Variants in ZNF766 observed in about 807,000 individuals in gnomAD.
The protein encoded by ZNF766 is zinc finger protein 766.
ZNF766 carries 13 observed loss-of-function variants against 13.2 expected under a neutral mutation model. The ratio of observed to expected loss-of-function variants is 0.98; its 90% confidence interval spans 0.64 to 1.56. ZNF766 has a LOEUF of 1.56. Ranked by LOEUF, ZNF766 falls within the 40% of genes most tolerant of loss-of-function variation. ZNF766 has a pLI of 0.00. For synonymous variants in ZNF766, 178 were observed against 187.6 expected (o/e 0.95, Z 0.42); for missense variants, 521 against 552.2 (o/e 0.94, Z 0.57).
Position 52,290,590 on chromosome 19 carries a change from GGA to G in ZNF766, c.805_806del (p.Pro270LeufsTer4). On this transcript the variant is annotated frameshift_variant, in exon 4 of 4. Coordinates refer to ENST00000439461, the MANE Select transcript of ZNF766 (RefSeq NM_001010851.3). LOFTEE classifies it low-confidence loss of function (END_TRUNC). ...TGCACGACACGAGAAAGTGCATACT[GGA>G]GAGAGTCCTTACAAATGTAATGAGT... ...YLARHEKVHTGESPYKCNECG... is the reference protein window; with the variant it reads ...YLARHEKVHTXESPYKCNECG... 6.2e-7 allele frequency: 1 copy of G among 1,614,078 alleles called. No homozygotes were observed. Among genetic ancestry groups the G allele is most frequent in the Non-Finnish European group, 8.5e-7 (1 of 1,179,980 alleles).
intron 1 of ZNF766, chr19:52,277,371 A>G: frequency 9.1e-7 from 1 of 1,098,752 alleles, no homozygotes; most frequent in African/African-American, 1.6e-5. Flanking sequence ...AGGCAGGAGA[A>G]TGGTGTGAAC....
rs528937586 is a variant in ZNF766 at position 52,295,729 on chromosome 19, TA to T, written c.*4532del. The T allele has an allele frequency of 1.8e-4, 28 of 152,312 alleles. No individual in the cohort carries two copies. The highest frequency in any genetic ancestry group is 4.6e-4 in the Admixed American group (7 of 15,286). The allele number at this position is 152,312 out of a possible 1,614,324, so 9.4% of individuals were successfully genotyped here. ...TATTTTATTTATTTATTTTATTATTTATTTTTTTGAGATGGAGTTTCACTCT... is the reference window on the plus strand; with the variant it reads ...TATTTTATTTATTTATTTTATTATTTTTTTTTTGAGATGGAGTTTCACTCT... On this transcript the variant is annotated 3_prime_UTR_variant, in exon 4 of 4. Transcript: ENST00000439461.
chr19:52,283,696 C>T (rs907020452), intron 3 of ZNF766, among the ~76,000 whole-genome samples: 1 of 152,124 alleles, frequency 6.6e-6, no homozygotes, highest in Admixed American at 6.6e-5. Flanking sequence ...TCTTTCTTTA[C>T]CCCCACCTGT....
chr19:52,286,624 A>G (rs1465657053), intron 3 of ZNF766, among the ~76,000 whole-genome samples: 1 of 152,036 alleles, frequency 6.6e-6, no homozygotes, highest in Non-Finnish European at 1.5e-5. Context: ...TTTCTGCATC[A>G]GCTGAGATTA....
chr19:52,294,785 CATG>C lies in ZNF766; in HGVS notation c.*3590_*3592del, dbSNP rs1437628731. On this transcript the variant is annotated 3_prime_UTR_variant, in exon 4 of 4. Transcript: ENST00000439461. ...GGTTAGGAAAGACTCTGATTTTCTT[CATG>C]ATAATATCTTACGTTCCTTTTATAG... The C allele has an allele frequency of 6.8e-6, 1 of 146,506 alleles. No individual in the cohort carries two copies. The allele number at this position is 146,506 out of a possible 1,614,324, so 9.1% of individuals were successfully genotyped here. A position where few individuals can be genotyped will look rare whatever the true frequency, so the allele number is the denominator to read the frequency against.
chr19:52,286,154 AAAAAG>A (rs1457539980), intron 3 of ZNF766, among the ~76,000 whole-genome samples: 1 of 142,938 alleles, frequency 7.0e-6, no homozygotes, highest in Non-Finnish European at 1.5e-5. Flanking sequence ...TTAAAAAAAA[AAAAAG>A]AAAGAAAGAA....
At position 52,291,177 on chromosome 19, in the gene ZNF766, TGA is replaced by T. The variant is rs780160845; in HGVS notation, c.1392_1393del (p.Arg464SerfsTer54). 1.3e-6 allele frequency: 2 copies of T among 1,576,580 alleles called. No homozygotes were observed. The highest frequency in any genetic ancestry group is 1.7e-6 in the Non-Finnish European group (2 of 1,161,926). Reference sequence around the variant, plus strand: ...TTGTACAGCATCAGAGAAGTGTTCATGAGAGAGTCCTTACAAACTGAGTTTGG... The same window carrying T: ...TTGTACAGCATCAGAGAAGTGTTCATGAGAGTCCTTACAAACTGAGTTTGG... ...WFVQHQRSVH[E>X]RVLTN On this transcript the variant is annotated frameshift_variant, in exon 4 of 4. Coordinates refer to ENST00000439461, the MANE Select transcript of ZNF766 (RefSeq NM_001010851.3). LOFTEE classifies it high-confidence loss of function.
chr19:52,274,132 G>C (rs1981090653), intron 1 of ZNF766, among the ~76,000 whole-genome samples: 1 of 152,074 alleles, frequency 6.6e-6, no homozygotes, highest in South Asian at 2.1e-4. Context: ...ACTCTGTTTT[G>C]TCCAGGACTT....
chr19:52,284,789 T>G (rs1216077668), intron 3 of ZNF766: 1 of 151,926 alleles, frequency 6.6e-6, no homozygotes, highest in Admixed American at 6.6e-5. Flanking sequence ...CTTCGTTATG[T>G]TTATTGGTTC....
intron 1 of ZNF766, among the ~76,000 whole-genome samples, chr19:52,273,735 T>G (rs1261840198): frequency 6.6e-6 from 1 of 152,234 alleles, no homozygotes; most frequent in Admixed American, 6.5e-5. Flanking sequence ...GCTCTGGATG[T>G]TTCTTTCTGC....
At chr19:52,275,224 AG>A (rs940930602) in intron 1 of ZNF766, among the ~76,000 whole-genome samples, 2 of 152,182 alleles carry the variant, frequency 1.3e-5, no homozygotes, top group African/African-American at 4.8e-5. Context: ...GTGCAGGCCT[AG>A]GCTGATGTGT....
intron 1 of ZNF766, chr19:52,277,242 G>A (rs1444785056): frequency 4.4e-6 from 5 of 1,135,116 alleles, no homozygotes; most frequent in Admixed American, 3.7e-5. Context: ...GGCAGATCAC[G>A]AGGTCAGGAG....
At chr19:52,285,537 G>C (rs1981773110) in intron 3 of ZNF766, among the ~76,000 whole-genome samples, 1 of 152,228 alleles carries the variant, frequency 6.6e-6, no homozygotes, top group South Asian at 2.1e-4. Context: ...GATATTGCAA[G>C]GGTACAGATG....
rs548256894 is a variant in ZNF766 at position 52,276,993 on chromosome 19, G to A, written c.19-5118G>A. 8.5e-5 allele frequency among the ~76,000 whole-genome samples: 13 copies of A among 152,314 alleles called. No homozygotes were observed. In the South Asian group the frequency reaches 2.7e-3, roughly 32 times the overall value. ...GAAGAAAGGGGCCAAAAGCTCACTTGTTCTTCCTGTAGGAGTTTATTGTCC... is the reference window on the plus strand; with the variant it reads ...GAAGAAAGGGGCCAAAAGCTCACTTATTCTTCCTGTAGGAGTTTATTGTCC... On this transcript the variant is annotated intron_variant, in intron 1 of 3. Coordinates refer to ENST00000439461, the MANE Select transcript of ZNF766 (RefSeq NM_001010851.3).
rs746958619 is a variant in ZNF766, at chr19:52,295,305, C to G, written c.*4107C>G. 1 of 151,974 alleles carries G rather than the reference C, an allele frequency of 6.6e-6. No homozygotes were observed. The highest frequency in any genetic ancestry group is 1.5e-5 in the Non-Finnish European group (1 of 68,030). The allele number at this position is 151,974 out of a possible 1,614,324, so 9.4% of individuals were successfully genotyped here. A position where few individuals can be genotyped will look rare whatever the true frequency, so the allele number is the denominator to read the frequency against. ...AAGTGATTCTCCTGCCTCGGCCTCC[C>G]GAATAGCTGGGATTACAGACATGCA... On this transcript the variant is annotated 3_prime_UTR_variant, in exon 4 of 4. Transcript: ENST00000439461.
intron 1 of ZNF766, chr19:52,277,616 TTC>T (rs1462252697): frequency 3.4e-6 from 5 of 1,472,774 alleles, no homozygotes; most frequent in African/African-American, 1.4e-5. Flanking sequence ...GTTGAGAATC[TTC>T]TCTGAGTCTG....
At position 52,283,296 on chromosome 19, in the gene ZNF766, C is replaced by T. The variant is rs763896456; in HGVS notation, c.157C>T (p.Pro53Ser). 1 of 1,613,408 alleles carries T rather than the reference C, an allele frequency of 6.2e-7. No individual in the cohort carries two copies. The highest frequency in any genetic ancestry group is 8.5e-7 in the Non-Finnish European group (1 of 1,179,666). The change falls in exon 3 of 4, where the codon CCT becomes TCT. Residue 53 changes from proline (P) to serine (S), a missense_variant. Coordinates refer to ENST00000439461, the MANE Select transcript of ZNF766 (RefSeq NM_001010851.3). ...RNLVSLGICL[P>S]DLSIISMMKQ... Reference sequence around the variant, plus strand: ...TCTTTTATAAACAGGAATCTGTCTTCCTGACCTGAGTATTATCTCCATGAT... The same window carrying T: ...TCTTTTATAAACAGGAATCTGTCTTTCTGACCTGAGTATTATCTCCATGAT...
Position 52,289,723 on chromosome 19 carries a change from G to A in ZNF766, c.275-343G>A, listed in dbSNP as rs75578221. 7.4e-3 allele frequency among the ~76,000 whole-genome samples: 1,126 copies of A among 152,122 alleles called. 14 individuals are homozygous for A. Among genetic ancestry groups the A allele is most frequent in the African/African-American group, 0.025 (1,048 of 41,526 alleles). ...TCAGGGTCTATACATGCCAGAGTCC[G>A]GGCGCGGTGGCTCACACCTATAATC... On this transcript the variant is annotated intron_variant, in intron 3 of 3. Transcript: ENST00000439461.
chr19:52,270,933 C>T (rs375419799), intron 1 of ZNF766, among the ~76,000 whole-genome samples: 12 of 152,082 alleles, frequency 7.9e-5, no homozygotes, highest in Admixed American at 6.5e-4. Flanking sequence ...TACAGGCGCC[C>T]GCCAGCTCGC....
Sources: gnomAD v4.1 joint callset for allele counts (sites outside exome capture counted in the v4.1 genomes callset) on GRCh38, gnomAD v4.1.1 for gene constraint, MANE v1.5 for transcripts, NCBI Gene and HGNC (gene_info 2026-07-23, HGNC 2026-07-21) for gene names.